The following NRG1 variants were observed in gnomAD, a reference collection of about 807,000 sequenced individuals.
NRG1 encodes the protein neuregulin 1.
NRG1 carries 18 observed loss-of-function variants against 63.8 expected under a neutral mutation model. The observed-to-expected ratio is 0.28, with a 90% CI of 0.19 to 0.42. The LOEUF (loss-of-function observed/expected upper bound fraction) is 0.42, where lower values mean the gene tolerates loss of function less well. Ranked by LOEUF, NRG1 falls within the 10% of genes least tolerant of loss-of-function variation. The pLI, the probability that NRG1 is intolerant of heterozygous loss-of-function variation, is 1.00. For missense variants in NRG1, 762 were observed against 814.7 expected, an observed-to-expected ratio of 0.94 and a Z score of 0.79; for synonymous variants, 302 against 301.3, an observed-to-expected ratio of 1.00 and a Z score of -0.02.
rs188091156 is a variant in NRG1, at chr8:32,262,787, G to A, written c.38-333041G>A. 2.6e-5 allele frequency among the ~76,000 whole-genome samples: 4 copies of A among 152,020 alleles called. No homozygotes were observed. The East Asian group carries it at 5.8e-4, about 22-fold the overall frequency. Reference sequence around the variant, plus strand: ...GTTATACATTTTTTGTTTTTCTTTCGAATGTTGAAAAAGTTAAGAATATAT... The same window carrying A: ...GTTATACATTTTTTGTTTTTCTTTCAAATGTTGAAAAAGTTAAGAATATAT... On this transcript the variant is annotated intron_variant, in intron 1 of 10. Transcript: ENST00000519301.
intron 1 of NRG1, among the ~76,000 whole-genome samples, chr8:31,889,002 C>G (rs1830938784): frequency 6.6e-6 from 1 of 152,080 alleles, no homozygotes; most frequent in Non-Finnish European, 1.5e-5. Flanking sequence ...CAGGGAAAGC[C>G]TAGTCACACA....
At chr8:31,799,017 G>A (rs191313690) in intron 1 of NRG1, among the ~76,000 whole-genome samples, 155 of 152,184 alleles carry the variant, frequency 1.0e-3, no homozygotes, top group Non-Finnish European at 6.0e-4. Flanking sequence ...TAAAATAAAT[G>A]CAGTTTTTGA....
chr8:32,730,532 C>T (rs187493825), intron 6 of NRG1, among the ~76,000 whole-genome samples: 3 of 152,064 alleles, frequency 2.0e-5, no homozygotes, highest in South Asian at 4.1e-4. Context: ...TTATCTCATA[C>T]GACTATGTTT....
intron 7 of NRG1, among the ~76,000 whole-genome samples, chr8:32,747,221 T>C (rs939525808): frequency 6.6e-6 from 1 of 152,134 alleles, no homozygotes; most frequent in Non-Finnish European, 1.5e-5. Flanking sequence ...TCATGAGCAG[T>C]GTTCATGTAG....
intron 1 of NRG1, among the ~76,000 whole-genome samples, chr8:32,040,798 G>A (rs1205029466): frequency 8.6e-5 from 7 of 81,650 alleles, no homozygotes; most frequent in Admixed American, 1.7e-4. Flanking sequence ...AAATATTAAA[G>A]TTTAGGCTTA....
intron 1 of NRG1, among the ~76,000 whole-genome samples, chr8:32,514,081 A>G (rs1023479372): frequency 5.9e-5 from 9 of 152,320 alleles, no homozygotes; most frequent in Middle Eastern, 3.4e-3. Flanking sequence ...AGGGATTGGC[A>G]AAGCTGAATC....
chr8:32,519,994 GCA>G (rs1174355143), intron 1 of NRG1, among the ~76,000 whole-genome samples: 3 of 151,846 alleles, frequency 2.0e-5, no homozygotes, highest in Non-Finnish European at 2.9e-5. Context: ...TGTGTATACT[GCA>G]CACACACTCA....
intron 1 of NRG1, among the ~76,000 whole-genome samples, chr8:31,863,702 G>T (rs1303770384): frequency 6.6e-6 from 1 of 152,150 alleles, no homozygotes; most frequent in Non-Finnish European, 1.5e-5. Context: ...AGAAAGTCCT[G>T]CCTTTCCTTT....
intron 1 of NRG1, among the ~76,000 whole-genome samples, chr8:31,876,524 G>A (rs1829936612): frequency 6.6e-6 from 1 of 152,146 alleles, no homozygotes; most frequent in Non-Finnish European, 1.5e-5. Context: ...TGCTGGTTGA[G>A]AGAGTGAATA....
intron 1 of NRG1, among the ~76,000 whole-genome samples, chr8:32,461,366 A>G (rs1389277783): frequency 6.6e-6 from 1 of 152,134 alleles, no homozygotes; most frequent in East Asian, 1.9e-4. Flanking sequence ...GCTGTTGTCT[A>G]TAAGGAAAAA....
intron 1 of NRG1, among the ~76,000 whole-genome samples, chr8:32,235,359 TTGC>T (rs1267799087): frequency 6.6e-6 from 1 of 151,698 alleles, no homozygotes; most frequent in East Asian, 1.9e-4. Context: ...GATTATGCCA[TTGC>T]ACTCTACCCT....
chr8:32,308,568 C>A (rs1329445559), intron 1 of NRG1, among the ~76,000 whole-genome samples: 1 of 152,126 alleles, frequency 6.6e-6, no homozygotes, highest in East Asian at 1.9e-4. Flanking sequence ...TCTCTAAACC[C>A]AACAAGAGCA....
At position 31,735,105 on chromosome 8, in the gene NRG1, G is replaced by C. The variant is rs188599845; in HGVS notation, c.37+95674G>C. ...CTAATTCTACTGGGGGAATTTCCAA[G>C]TCAATTTCTGGGGACTGAGAGTGGT... On this transcript the variant is annotated intron_variant, in intron 1 of 10. Transcript: ENST00000519301. Among the ~76,000 whole-genome samples, 281 of 152,234 alleles carry C rather than the reference G, an allele frequency of 1.8e-3. 1 individual carries two copies. Among genetic ancestry groups the C allele is most frequent in the Non-Finnish European group, 3.5e-3 (236 of 67,994 alleles).
intron 1 of NRG1, among the ~76,000 whole-genome samples, chr8:32,006,849 G>C (rs1345697638): frequency 1.3e-5 from 2 of 152,048 alleles, no homozygotes; most frequent in Non-Finnish European, 2.9e-5. Flanking sequence ...ACCAAACCTA[G>C]CTAAGCTGGC....
intron 1 of NRG1, among the ~76,000 whole-genome samples, chr8:32,047,439 TA>T (rs1260940434): frequency 6.6e-6 from 1 of 151,990 alleles, no homozygotes; most frequent in Non-Finnish European, 1.5e-5. Flanking sequence ...ACCATTCACA[TA>T]AATGGTAAAT....
intron 1 of NRG1, among the ~76,000 whole-genome samples, chr8:32,447,765 T>C (rs1489570301): frequency 1.3e-5 from 2 of 150,318 alleles, no homozygotes; most frequent in African/African-American, 4.9e-5. Context: ...TCCAGCTACA[T>C]GGAGGGCTGA....
At chr8:32,442,540 A>G (rs2129487523) in intron 1 of NRG1, 1 of 152,296 alleles carries the variant, frequency 6.6e-6, no homozygotes, top group Non-Finnish European at 1.5e-5. Flanking sequence ...GCAAGAGAAA[A>G]CCAAGTGGCT....
intron 7 of NRG1, among the ~76,000 whole-genome samples, chr8:32,748,190 A>C (rs1441692393): frequency 6.6e-6 from 1 of 152,136 alleles, no homozygotes; most frequent in Admixed American, 6.5e-5. Context: ...CTTCACACTT[A>C]AGAGATACCT....
intron 1 of NRG1, among the ~76,000 whole-genome samples, chr8:32,000,736 T>G (rs1812789389): frequency 6.6e-6 from 1 of 152,018 alleles, no homozygotes; most frequent in Non-Finnish European, 1.5e-5. Flanking sequence ...AATACATCAT[T>G]TATATTCATT....
Sources: allele counts gnomAD v4.1 joint callset (sites outside exome capture counted in the v4.1 genomes callset), GRCh38; gene constraint gnomAD v4.1.1; transcripts MANE v1.5; gene names NCBI Gene and HGNC (gene_info 2026-07-23, HGNC 2026-07-21).